GNAZ: variants seen among roughly 807,000 people sequenced by gnomAD.
GNAZ encodes the protein G protein subunit alpha z.
A neutral mutation model predicts 25.4 loss-of-function variants in GNAZ; 3 were observed. That is an observed-to-expected ratio of 0.12 (90% CI 0.05 to 0.30). The LOEUF is 0.30. Among genes scored for constraint, GNAZ ranks in the 10% least tolerant of loss-of-function variants. The probability of loss-of-function intolerance (pLI) is 1.00; values close to 1 mark genes in which losing one functional copy is unlikely to be tolerated. For synonymous variants in GNAZ, 211 were observed against 205.7 expected (o/e 1.03, Z -0.22); for missense variants, 241 against 501.8 (o/e 0.48, Z 4.97).
At chr22:23,093,873 C>A (rs2069053066) in intron 1 of GNAZ, among the ~76,000 whole-genome samples, 1 of 152,156 alleles carries the variant, frequency 6.6e-6, no homozygotes, top group African/African-American at 2.4e-5. Flanking sequence ...CAGGAGAGAC[C>A]AGAACCTCTG....
Position 23,083,546 on chromosome 22 carries a change from C to T in GNAZ, c.-449-11701C>T, listed in dbSNP as rs117065126. ...CGAATCTTTCACAGAGCACCTGCTT[C>T]GAGGGAAGCAGAGCTGGTGCTTGGG... is the stretch of plus-strand genomic sequence containing the variant. On this transcript the variant is annotated intron_variant, in intron 1 of 2. Transcript: ENST00000615612. Among the ~76,000 whole-genome samples the T allele has an allele frequency of 4.8e-3, 727 of 152,212 alleles. 2 individuals carry two copies. The highest frequency in any genetic ancestry group is 9.1e-3 in the Non-Finnish European group (616 of 67,998).
chr22:23,106,641 A>G (rs1387205223), intron 2 of GNAZ, among the ~76,000 whole-genome samples: 2 of 152,178 alleles, frequency 1.3e-5, no homozygotes, highest in Admixed American at 1.3e-4. Context: ...GTAGGATAAC[A>G]TGTGTGTGCT....
intron 1 of GNAZ, among the ~76,000 whole-genome samples, chr22:23,090,786 T>G (rs569932003): frequency 6.6e-6 from 1 of 152,276 alleles, no homozygotes; most frequent in African/African-American, 2.4e-5. Flanking sequence ...CCATTTCCAC[T>G]GTAGCACTGG....
At chr22:23,073,712 G>A (rs1224605948) in intron 1 of GNAZ, among the ~76,000 whole-genome samples, 7 of 152,194 alleles carry the variant, frequency 4.6e-5, no homozygotes, top group South Asian at 2.1e-4. Context: ...GGACTGAGCC[G>A]GAGGAGCAGA....
intron 1 of GNAZ, 30 bp from the exon 2 acceptor site, chr22:23,095,217 G>A (rs2069090820): frequency 5.9e-6 from 1 of 169,532 alleles, no homozygotes; most frequent in African/African-American, 2.4e-5. Context: ...CTGCGGGGAG[G>A]AGGCTCACGC....
chr22:23,080,427 G>T (rs2068643782), intron 1 of GNAZ, among the ~76,000 whole-genome samples: 1 of 152,182 alleles, frequency 6.6e-6, no homozygotes, highest in South Asian at 2.1e-4. Flanking sequence ...GCCCAGCCGG[G>T]GCATAGCCTG....
At chr22:23,076,266 C>T (rs116853759) in intron 1 of GNAZ, among the ~76,000 whole-genome samples, 3,125 of 152,336 alleles carry the variant, frequency 0.021, 43 homozygotes, top group Non-Finnish European at 0.032. Flanking sequence ...ATTCATTCAT[C>T]GTATGTGTTT....
chr22:23,109,757 C>G (rs1163195231), intron 2 of GNAZ, among the ~76,000 whole-genome samples: 1 of 152,246 alleles, frequency 6.6e-6, no homozygotes, highest in Non-Finnish European at 1.5e-5. Flanking sequence ...GGAATGGAAA[C>G]AGCTGCCCCA....
chr22:23,097,700 C>T (rs930439453), intron 2 of GNAZ, among the ~76,000 whole-genome samples: 5 of 152,254 alleles, frequency 3.3e-5, no homozygotes, highest in Non-Finnish European at 5.9e-5. Context: ...TGGTTCTGGG[C>T]AGAGGGGACA....
chr22:23,089,772 AGGG>A (rs2068914249), intron 1 of GNAZ, among the ~76,000 whole-genome samples: 1 of 152,090 alleles, frequency 6.6e-6, no homozygotes, highest in Non-Finnish European at 1.5e-5. Context: ...CCCTCAGCAG[AGGG>A]TTCCTGAGTG....
intron 1 of GNAZ, among the ~76,000 whole-genome samples, chr22:23,084,682 A>T (rs2068769256): frequency 6.6e-6 from 1 of 152,264 alleles, no homozygotes; most frequent in South Asian, 2.1e-4. Flanking sequence ...CCATGATGCA[A>T]TGCAGCCTTG....
intron 2 of GNAZ, among the ~76,000 whole-genome samples, chr22:23,122,006 C>T (rs974180698): frequency 3.3e-5 from 5 of 152,184 alleles, no homozygotes; most frequent in African/African-American, 1.2e-4. Flanking sequence ...GCTGGGATTA[C>T]AGGTGTGAGC....
chr22:23,078,308 T>TA (rs1169219822), intron 1 of GNAZ, among the ~76,000 whole-genome samples: 1 of 152,260 alleles, frequency 6.6e-6, no homozygotes. Flanking sequence ...TCATTTCCCT[T>TA]AAACACTGGG....
chr22:23,084,910 G>A (rs546423426), intron 1 of GNAZ, among the ~76,000 whole-genome samples: 2 of 152,332 alleles, frequency 1.3e-5, no homozygotes, highest in South Asian at 4.1e-4. Context: ...GCATGTCCAG[G>A]TGACATCGCA....
rs546636104 is a variant in GNAZ at position 23,071,673 on chromosome 22, T to A, written c.-450+1103T>A. Among the ~76,000 whole-genome samples, 171 of 152,240 alleles carry A rather than the reference T, an allele frequency of 1.1e-3. No homozygotes were observed. The highest frequency in any genetic ancestry group is 2.0e-3 in the Non-Finnish European group (133 of 68,002). On this transcript the variant is annotated intron_variant, in intron 1 of 2. Transcript: ENST00000615612. This position sits in a 1 kb window ranked among gnomAD's most constrained non-coding sequence, Gnocchi z 4.1. ...ATTGACCACCGCATAGGGGAAAACG[T>A]CTCTACTCGACCAACCCCGCTTGAG...
At chr22:23,097,755 C>T (rs1328557107) in intron 2 of GNAZ, among the ~76,000 whole-genome samples, 2 of 152,236 alleles carry the variant, frequency 1.3e-5, no homozygotes, top group African/African-American at 2.4e-5. Flanking sequence ...GAGGCATGGC[C>T]GTGGGCAGAG....
chr22:23,097,966 G>A (rs975648430), intron 2 of GNAZ, among the ~76,000 whole-genome samples: 5 of 152,250 alleles, frequency 3.3e-5, no homozygotes, highest in Non-Finnish European at 7.3e-5. Flanking sequence ...CAGGTGTGCT[G>A]GACACAGGAG....
At chr22:23,113,413 C>A (rs1482662846) in intron 2 of GNAZ, among the ~76,000 whole-genome samples, 1 of 152,240 alleles carries the variant, frequency 6.6e-6, no homozygotes, top group Admixed American at 6.5e-5. Flanking sequence ...TCTCGGATAG[C>A]CTCCTGCCCA....
chr22:23,097,985 C>A (rs1366083226), intron 2 of GNAZ, among the ~76,000 whole-genome samples: 1 of 152,254 alleles, frequency 6.6e-6, no homozygotes, highest in African/African-American at 2.4e-5. Flanking sequence ...AGGCAGGATA[C>A]CTGGGTCCTG....
Sources: gnomAD v4.1 joint callset for allele counts (sites outside exome capture counted in the v4.1 genomes callset) on GRCh38, gnomAD v4.1.1 for gene constraint, Gnocchi (gnomAD v3.1) non-coding constraint, MANE v1.5 for transcripts, NCBI Gene and HGNC (gene_info 2026-07-23, HGNC 2026-07-21) for gene names.